The following CDH3 variants were observed in gnomAD, a reference collection of about 807,000 sequenced individuals.
CDH3 encodes the protein cadherin 3.
Under a neutral mutation model 82.0 loss-of-function variants are expected in CDH3, and 54 were observed. The observed-to-expected ratio is 0.66, with a 90% CI of 0.53 to 0.83. The LOEUF (loss-of-function observed/expected upper bound fraction) is 0.83. CDH3 is among the 40% of genes least tolerant of loss of function. CDH3 has a pLI of 0.00. For synonymous variants in CDH3, 446 were observed against 437.9 expected (o/e 1.02, Z -0.23); for missense variants, 1,054 against 1,084.6 (o/e 0.97, Z 0.40).
intron 9 of CDH3, among the ~76,000 whole-genome samples, chr16:68,684,201 G>T (rs944897056): frequency 1.3e-5 from 2 of 151,876 alleles, no homozygotes; most frequent in African/African-American, 4.8e-5. Context: ...CACTGCACTT[G>T]AGCCTGGGTG....
intron 2 of CDH3, among the ~76,000 whole-genome samples, chr16:68,724,905 T>C (rs1597832208): frequency 1.3e-5 from 2 of 152,132 alleles, no homozygotes; most frequent in African/African-American, 4.8e-5. Flanking sequence ...AGTGGTTTCA[T>C]TGGCTGCCGA....
intron 2 of CDH3, chr16:68,651,598 C>A: frequency 2.0e-6 from 1 of 505,122 alleles, no homozygotes; most frequent in Middle Eastern, 6.0e-4. Context: ...GACACCTGCA[C>A]CTGCATCATG....
chr16:68,687,445 G>A, intron 11 of CDH3, 67 bp from the exon 12 acceptor site: 1 of 1,297,490 alleles, frequency 7.7e-7, no homozygotes, highest in Non-Finnish European at 1.1e-6. Context: ...GCGGTAAACA[G>A]GAGGAGCCCC....
rs1961853840 is a variant in CDH3, at chr16:68,699,620, A to C, written c.*1220A>C. The C allele has an allele frequency of 6.6e-6, 1 of 151,620 alleles. No homozygotes were observed. Among genetic ancestry groups the C allele is most frequent in the African/African-American group, 2.4e-5 (1 of 41,184 alleles). 9.4% of individuals were successfully genotyped at this position (151,620 alleles called of 1,614,324 possible). On this transcript the variant is annotated 3_prime_UTR_variant, in exon 16 of 16. Coordinates refer to ENST00000264012, the MANE Select transcript of CDH3 (RefSeq NM_001793.6). ...TGCCTCAGCCTCCCGAGTAGCTGGG[A>C]CTACAGGTGCCTGCCACTATGCCCA...
chr16:68,724,946 A>G (rs1749760222), intron 2 of CDH3, among the ~76,000 whole-genome samples: 2 of 152,072 alleles, frequency 1.3e-5, no homozygotes, highest in African/African-American at 4.8e-5. Flanking sequence ...GGAAGGGTTT[A>G]TCTCTCCGTC....
chr16:68,687,564 C>T lies in CDH3; in HGVS notation c.1623C>T (p.Val541=). ...TGTLLLTLID[V]NDHGPVPEPR... ...CCCTTCTGCTAACACTGATTGATGTCAATGACCATGGCCCAGTCCCTGAGC... is the reference window on the plus strand; with the variant it reads ...CCCTTCTGCTAACACTGATTGATGTTAATGACCATGGCCCAGTCCCTGAGC... Residue 541 remains valine (V), a synonymous_variant, in exon 12 of 16, where the codon GTC becomes GTT. Coordinates refer to ENST00000264012, the MANE Select transcript of CDH3 (RefSeq NM_001793.6). 1 of 1,614,118 alleles carries T rather than the reference C, an allele frequency of 6.2e-7. No homozygotes were observed. Among genetic ancestry groups the T allele is most frequent in the African/African-American group, 1.3e-5 (1 of 75,018 alleles).
At chr16:68,732,764 G>A in the CDH3 span, among the ~76,000 whole-genome samples, 1 of 152,204 alleles carries the variant, frequency 6.6e-6, no homozygotes, top group Non-Finnish European at 1.5e-5. Context: ...CCCCACCAGA[G>A]CCCATCCACA....
chr16:68,665,121 C>T (rs1960698852), intron 2 of CDH3, among the ~76,000 whole-genome samples: 1 of 152,098 alleles, frequency 6.6e-6, no homozygotes, highest in African/African-American at 2.4e-5. Context: ...TTTTAAAGCA[C>T]AACACAGCTG....
At chr16:68,729,552 A>G (rs8063812), downstream of CDH3, among the ~76,000 whole-genome samples, 122,540 of 152,090 alleles carry the variant, frequency 0.81, 50,126 homozygotes, top group Non-Finnish European at 0.89. Flanking sequence ...AAAGGGATGG[A>G]GAAGCTTATA....
intron 2 of CDH3, 123 bp downstream of exon 2, chr16:68,645,873 C>T: frequency 1.4e-6 from 1 of 706,132 alleles, no homozygotes; most frequent in Non-Finnish European, 2.3e-6. Context: ...CCCGGGGAGG[C>T]GCAGAACGCG....
chr16:68,731,425 T>TATAC (rs1555509199), downstream of CDH3, among the ~76,000 whole-genome samples: 6 of 51,954 alleles, frequency 1.2e-4, 1 homozygote, highest in African/African-American at 4.5e-4. Context: ...CATATACACA[T>TATAC]ATATACACAT....
At chr16:68,667,511 TGGACATCA>T (rs1346349634) in intron 2 of CDH3, among the ~76,000 whole-genome samples, 1 of 152,188 alleles carries the variant, frequency 6.6e-6, no homozygotes, top group Non-Finnish European at 1.5e-5. Context: ...CCAGTAATGT[TGGACATCA>T]GGACCAGATA....
chr16:68,682,686 T>C (rs1171447534), intron 9 of CDH3, among the ~76,000 whole-genome samples, 199 bp downstream of exon 9: 1 of 152,156 alleles, frequency 6.6e-6, no homozygotes, highest in Non-Finnish European at 1.5e-5. Context: ...ACTTCATAAA[T>C]AGGTAAGAGT....
In CDH3 at chr16:68,727,299, T is replaced by G. The variant is rs147852596; in HGVS notation, c.*192T>G. Among the ~76,000 whole-genome samples the G allele has an allele frequency of 3.9e-5, 6 of 152,330 alleles. No homozygotes were observed. In the East Asian group the frequency reaches 1.2e-3, roughly 29 times the overall value. On this transcript the variant is annotated 3_prime_UTR_variant, in exon 3 of 3. Coordinates refer to the CDH3 transcript ENST00000569080. ...CTTGGATTGGGCAATGCTACCAGCT[T>G]CCTGGTTCTCCAGCTTGTAGATGGC...
chr16:68,666,455 T>G (rs1263361505), intron 2 of CDH3, among the ~76,000 whole-genome samples: 3 of 151,996 alleles, frequency 2.0e-5, no homozygotes, highest in Non-Finnish European at 4.4e-5. Flanking sequence ...TGCCCAGGGG[T>G]GGGTCCCAAG....
At chr16:68,683,483 C>T (rs963564618) in intron 9 of CDH3, among the ~76,000 whole-genome samples, 1 of 151,280 alleles carries the variant, frequency 6.6e-6, no homozygotes, top group African/African-American at 2.4e-5. Context: ...AACCCCGTCT[C>T]TACTAAAAAT....
chr16:68,722,199 G>T (rs1962172563), intron 1 of CDH3, among the ~76,000 whole-genome samples: 1 of 152,196 alleles, frequency 6.6e-6, no homozygotes, highest in South Asian at 2.1e-4. Flanking sequence ...CAGATCAAAA[G>T]CTTCTTCAGG....
downstream of CDH3, among the ~76,000 whole-genome samples, chr16:68,701,611 TC>T (rs1033097744): frequency 9.3e-5 from 14 of 151,200 alleles, no homozygotes; most frequent in African/African-American, 3.2e-4. Context: ...AGTGGCACGA[TC>T]TCAGCTCACT....
Position 68,691,811 on chromosome 16 carries a change from G to A in CDH3, c.1887G>A (p.Gln629=). Residue 629 remains glutamine, a synonymous_variant, in exon 13 of 16, where the codon CAG becomes CAA. Transcript: ENST00000264012. The part of the protein sequence containing the change: ...LSLSDHGNKE[Q]LTVIRATVCD... ...TGTCTGACCATGGCAACAAAGAGCA[G>A]CTGACGGTGATCAGGGCCACTGTGT... is the stretch of plus-strand genomic sequence containing the variant. 1 of 1,614,152 alleles carries A rather than the reference G, an allele frequency of 6.2e-7. No homozygotes were observed. The highest frequency in any genetic ancestry group is 8.5e-7 in the Non-Finnish European group (1 of 1,180,018).
Sources: gnomAD v4.1 joint callset for allele counts (sites outside exome capture counted in the v4.1 genomes callset) on GRCh38, gnomAD v4.1.1 for gene constraint, MANE v1.5 for transcripts, NCBI Gene and HGNC (gene_info 2026-07-23, HGNC 2026-07-21) for gene names.